CDH12: variants seen among roughly 807,000 people sequenced by gnomAD.
CDH12 encodes cadherin-12.
Under a neutral mutation model 74.1 loss-of-function variants are expected in CDH12, and 41 were observed. That is an observed-to-expected ratio of 0.55 (90% confidence interval 0.43 to 0.72). The LOEUF is 0.72. Ranked by LOEUF, CDH12 falls within the 30% of genes least tolerant of loss-of-function variation. CDH12 has a pLI of 0.00. For synonymous variants in CDH12, 399 were observed against 355.0 expected (o/e 1.12, Z -1.39); for missense variants, 945 against 977.2 (o/e 0.97, Z 0.44).
At chr5:22,255,823 C>T (rs1048850222) in intron 3 of CDH12, among the ~76,000 whole-genome samples, 1 of 151,816 alleles carries the variant, frequency 6.6e-6, no homozygotes, top group Non-Finnish European at 1.5e-5. Context: ...GCTGGTTATA[C>T]TGATATAACA....
intron 1 of CDH12, among the ~76,000 whole-genome samples, chr5:22,811,591 A>G (rs780177): frequency 0.22 from 34,105 of 152,108 alleles, 5,320 homozygotes; most frequent in African/African-American, 0.44. Context: ...GTCAGGGATG[A>G]CTTAACAAAA....
chr5:22,191,432 GA>G (rs1456739473), intron 4 of CDH12, among the ~76,000 whole-genome samples: 7 of 151,912 alleles, frequency 4.6e-5, no homozygotes, highest in East Asian at 1.9e-4. Flanking sequence ...TTAAATTAAT[GA>G]ATGATAAATG....
At chr5:22,738,264 A>C (rs1038163712) in intron 1 of CDH12, among the ~76,000 whole-genome samples, 1 of 152,040 alleles carries the variant, frequency 6.6e-6, no homozygotes, top group African/African-American at 2.4e-5. Context: ...AGTCTATGGT[A>C]ATGGTCTAAT....
intron 8 of CDH12, among the ~76,000 whole-genome samples, chr5:21,828,646 G>A (rs548170874): frequency 1.6e-4 from 24 of 151,896 alleles, no homozygotes; most frequent in African/African-American, 4.8e-4. Context: ...TCATATATTC[G>A]TGTATCACAT....
chr5:21,883,606 C>T (rs2150035881), intron 6 of CDH12: 1 of 1,605,678 alleles, frequency 6.2e-7, no homozygotes. Flanking sequence ...GATGTTCAGC[C>T]TCATGACTTA....
intron 6 of CDH12, among the ~76,000 whole-genome samples, chr5:21,942,347 T>TATATATATACAC (rs1225173229): frequency 1.5e-5 from 2 of 129,668 alleles, no homozygotes; most frequent in African/African-American, 6.4e-5. Context: ...TATATATATA[T>TATATATATACAC]ACACACACAC....
At chr5:22,314,013 G>C (rs1381257180) in intron 3 of CDH12, among the ~76,000 whole-genome samples, 1 of 152,114 alleles carries the variant, frequency 6.6e-6, no homozygotes. Context: ...TGTATGGTAG[G>C]GCTAGGGTTG....
intron 2 of CDH12, among the ~76,000 whole-genome samples, chr5:22,448,302 T>C (rs1409422216): frequency 6.6e-6 from 1 of 151,990 alleles, no homozygotes; most frequent in African/African-American, 2.4e-5. Context: ...TCTTAATATA[T>C]CTTCAAGTTT....
chr5:22,193,656 A>C (rs1263051841), intron 4 of CDH12, among the ~76,000 whole-genome samples: 1 of 151,652 alleles, frequency 6.6e-6, no homozygotes, highest in Non-Finnish European at 1.5e-5. Context: ...TAGGTATACA[A>C]ATTTGGATAA....
At chr5:21,828,394 T>G (rs1748801852) in intron 8 of CDH12, among the ~76,000 whole-genome samples, 2 of 152,174 alleles carry the variant, frequency 1.3e-5, no homozygotes, top group African/African-American at 4.8e-5. Context: ...AGTGCTGGGA[T>G]TACAGGCGTG....
At chr5:22,632,026 A>C (rs1018550054) in intron 1 of CDH12, among the ~76,000 whole-genome samples, 4 of 152,138 alleles carry the variant, frequency 2.6e-5, no homozygotes, top group Non-Finnish European at 4.4e-5. Flanking sequence ...AATAACATCA[A>C]CAAAGAAGGG....
At chr5:22,750,668 T>C (rs1745519107) in intron 1 of CDH12, among the ~76,000 whole-genome samples, 1 of 152,128 alleles carries the variant, frequency 6.6e-6, no homozygotes, top group South Asian at 2.1e-4. Flanking sequence ...AAAACTACAG[T>C]GTTTAGTTTT....
intron 3 of CDH12, among the ~76,000 whole-genome samples, chr5:22,321,179 T>C (rs1738860759): frequency 6.6e-6 from 1 of 152,058 alleles, no homozygotes; most frequent in Non-Finnish European, 1.5e-5. Context: ...CATGCTGCTA[T>C]AAAGACACAT....
At chr5:22,158,424 T>G (rs577540581) in intron 4 of CDH12, among the ~76,000 whole-genome samples, 1 of 152,108 alleles carries the variant, frequency 6.6e-6, no homozygotes, top group East Asian at 1.9e-4. Flanking sequence ...GCAGAAGCAT[T>G]TTCTATTAGT....
Position 22,505,266 on chromosome 5 carries a change from C to T in CDH12, c.-428+4G>A, listed in dbSNP as rs2094830185. The T allele has an allele frequency of 1.0e-6, 1 of 962,484 alleles. No individual in the cohort carries two copies. The highest frequency in any genetic ancestry group is 6.2e-5 in the Admixed American group (1 of 16,118). 59.6% of individuals were successfully genotyped at this position (962,484 alleles called of 1,614,324 possible). A position where few individuals can be genotyped will look rare whatever the true frequency, so the allele number is the denominator to read the frequency against. On this transcript the variant is annotated splice_donor_region_variant and intron_variant, in intron 2 of 14. Coordinates refer to ENST00000382254, the MANE Select transcript of CDH12 (RefSeq NM_004061.5). ...TATATCTTGATAAGATTTTTTTTAC[C>T]TACCTTTAAAAAGGCTGGCATTCTT...
chr5:22,174,218 T>A (rs1749205001), intron 4 of CDH12, among the ~76,000 whole-genome samples: 3 of 151,998 alleles, frequency 2.0e-5, no homozygotes, highest in African/African-American at 7.2e-5. Flanking sequence ...CTGTGTTGTC[T>A]TCATTACACT....
At chr5:21,883,719 C>T in intron 6 of CDH12, 1 of 1,600,966 alleles carries the variant, frequency 6.2e-7, no homozygotes, top group Non-Finnish European at 8.6e-7. Context: ...AATCATTGGG[C>T]AGTTAGATGT....
At chr5:22,035,959 C>A (rs1475252627) in intron 5 of CDH12, among the ~76,000 whole-genome samples, 2 of 152,078 alleles carry the variant, frequency 1.3e-5, no homozygotes, top group Non-Finnish European at 1.5e-5. Flanking sequence ...TTGATTGATT[C>A]TGATTATCTC....
intron 1 of CDH12, among the ~76,000 whole-genome samples, chr5:22,570,414 G>A (rs1312732491): frequency 6.6e-6 from 1 of 152,054 alleles, no homozygotes; most frequent in East Asian, 1.9e-4. Context: ...ATGTGCTACA[G>A]AAAGGATGCT....
Sources: allele counts gnomAD v4.1 joint callset (sites outside exome capture counted in the v4.1 genomes callset), GRCh38; gene constraint gnomAD v4.1.1; transcripts MANE v1.5; gene names NCBI Gene and HGNC (gene_info 2026-07-23, HGNC 2026-07-21).